Variants in LAMA2 observed in about 807,000 individuals in gnomAD.
LAMA2 encodes the protein laminin subunit alpha 2, also known as laminin subunit alpha-2.
LAMA2 carries 269 observed loss-of-function variants against 364.8 expected under a neutral mutation model. The ratio of observed to expected loss-of-function variants is 0.74; its 90% CI spans 0.67 to 0.82. LAMA2 has a LOEUF of 0.82. Ranked by LOEUF, LAMA2 falls within the 40% of genes least tolerant of loss-of-function variation. LAMA2 has a pLI of 0.00. For missense variants in LAMA2, 3,807 were observed against 3,873.2 expected, an observed-to-expected ratio of 0.98 and a Z score of 0.45; for synonymous variants, 1,379 against 1,370.6, an observed-to-expected ratio of 1.01 and a Z score of -0.14.
intron 53 of LAMA2, among the ~76,000 whole-genome samples, chr6:129,477,328 C>T (rs930867726): frequency 1.3e-5 from 2 of 152,178 alleles, no homozygotes; most frequent in Non-Finnish European, 2.9e-5. Context: ...TCCATCATCA[C>T]AGGAAGTTCT....
intron 3 of LAMA2, among the ~76,000 whole-genome samples, chr6:129,079,803 A>G (rs1773923497): frequency 6.6e-6 from 1 of 152,142 alleles, no homozygotes; most frequent in African/African-American, 2.4e-5. Flanking sequence ...CTTAGCTTGT[A>G]AGTACATATA....
At chr6:129,391,706 A>G in intron 36 of LAMA2, 53 bp downstream of exon 36, 2 of 1,523,644 alleles carry the variant, frequency 1.3e-6, no homozygotes, top group Non-Finnish European at 1.8e-6. Context: ...TTTCCAGATA[A>G]TTTACAGTTT....
At chr6:129,251,076 CTATATATA>C (rs71714357) in intron 13 of LAMA2, among the ~76,000 whole-genome samples, 537 of 49,682 alleles carry the variant, frequency 0.011, 1 homozygote, top group African/African-American at 0.025. Flanking sequence ...CTCTCTCTCT[CTATATATA>C]TATATATATA....
chr6:129,268,722 G>T (rs959697112), intron 16 of LAMA2, among the ~76,000 whole-genome samples: 1 of 152,030 alleles, frequency 6.6e-6, no homozygotes, highest in Admixed American at 6.6e-5. Flanking sequence ...GAGATAGGAG[G>T]TCTCCTTCAA....
intron 14 of LAMA2, among the ~76,000 whole-genome samples, chr6:129,258,173 A>T (rs910909041): frequency 3.3e-5 from 5 of 152,072 alleles, no homozygotes; most frequent in African/African-American, 1.2e-4. Flanking sequence ...GCTCATGCCA[A>T]CATAAGTACT....
chr6:129,376,783 C>A lies in LAMA2; in HGVS notation c.4960-6339C>A, dbSNP rs182174559. Among the ~76,000 whole-genome samples the A allele has an allele frequency of 2.0e-5, 3 of 152,188 alleles. 1 individual carries two copies. The highest frequency in any genetic ancestry group is 7.2e-5 in the African/African-American group (3 of 41,442). Reference sequence around the variant, plus strand: ...CCATCGCAGGGGTTCCAAGATTCCTCCTGTGCTTATCTTATACCACTATTT... The same window carrying A: ...CCATCGCAGGGGTTCCAAGATTCCTACTGTGCTTATCTTATACCACTATTT... On this transcript the variant is annotated intron_variant, in intron 34 of 64. Coordinates refer to ENST00000421865, the MANE Select transcript of LAMA2 (RefSeq NM_000426.4).
intron 4 of LAMA2, among the ~76,000 whole-genome samples, chr6:129,142,183 A>C (rs1778161661): frequency 6.6e-6 from 1 of 152,054 alleles, no homozygotes; most frequent in Non-Finnish European, 1.5e-5. Flanking sequence ...AAATGCTGAA[A>C]GAATAATATT....
intron 1 of LAMA2, among the ~76,000 whole-genome samples, chr6:128,939,965 G>A (rs1488523642): frequency 6.6e-6 from 1 of 152,086 alleles, no homozygotes; most frequent in Non-Finnish European, 1.5e-5. Context: ...TGATCCAAAA[G>A]TTTGGGTCCA....
intron 1 of LAMA2, among the ~76,000 whole-genome samples, chr6:128,966,298 A>G (rs766785815): frequency 6.6e-6 from 1 of 151,940 alleles, no homozygotes; most frequent in Non-Finnish European, 1.5e-5. Flanking sequence ...TTTGTGTTTC[A>G]TGTTTGTATA....
intron 9 of LAMA2, among the ~76,000 whole-genome samples, chr6:129,170,831 G>A (rs1166151557): frequency 6.7e-6 from 1 of 149,512 alleles, no homozygotes; most frequent in African/African-American, 2.5e-5. Context: ...AGGTCACTCA[G>A]GACTTGCTTT....
intron 10 of LAMA2, among the ~76,000 whole-genome samples, chr6:129,187,155 T>C (rs1459235723): frequency 2.0e-5 from 3 of 151,710 alleles, no homozygotes; most frequent in African/African-American, 7.2e-5. Flanking sequence ...CTTCCAAGAA[T>C]AAGCCAGGAA....
intron 40 of LAMA2, among the ~76,000 whole-genome samples, chr6:129,417,686 T>A (rs934638191): frequency 6.6e-6 from 1 of 151,906 alleles, no homozygotes; most frequent in African/African-American, 2.4e-5. Flanking sequence ...ATGCCTAGGG[T>A]CACCTTCAGG....
chr6:129,411,453 A>C (rs1441151973), intron 40 of LAMA2, among the ~76,000 whole-genome samples: 1 of 152,228 alleles, frequency 6.6e-6, no homozygotes, highest in African/African-American at 2.4e-5. Context: ...CAAAGTGAAG[A>C]AAAGGGGAGA....
At chr6:128,936,179 T>TC (rs1208012179) in intron 1 of LAMA2, among the ~76,000 whole-genome samples, 2 of 152,222 alleles carry the variant, frequency 1.3e-5, no homozygotes, top group African/African-American at 4.8e-5. Flanking sequence ...TAAAACTTTT[T>TC]CCTTTATAAA....
intron 12 of LAMA2, among the ~76,000 whole-genome samples, chr6:129,235,855 G>T (rs750480330): frequency 7.2e-5 from 11 of 152,102 alleles, no homozygotes; most frequent in Non-Finnish European, 1.6e-4. Flanking sequence ...ACTTATATGT[G>T]TGATGAAATG....
At chr6:128,972,589 G>C (rs934526030) in intron 1 of LAMA2, among the ~76,000 whole-genome samples, 1 of 152,058 alleles carries the variant, frequency 6.6e-6, no homozygotes, top group Non-Finnish European at 1.5e-5. Flanking sequence ...TCTTTTCTGG[G>C]GGTATTGATG....
intron 20 of LAMA2, among the ~76,000 whole-genome samples, chr6:129,297,293 A>G (rs1028246772): frequency 2.6e-5 from 4 of 152,186 alleles, no homozygotes; most frequent in African/African-American, 9.7e-5. Flanking sequence ...GTAGGAGTCC[A>G]TAGATCTGAA....
At chr6:129,406,127 A>G (rs1476886370) in intron 40 of LAMA2, among the ~76,000 whole-genome samples, 1 of 152,168 alleles carries the variant, frequency 6.6e-6, no homozygotes, top group Admixed American at 6.5e-5. Context: ...AAATGATAGA[A>G]ATAACCTCCA....
intron 1 of LAMA2, among the ~76,000 whole-genome samples, chr6:129,044,136 T>C (rs1429648971): frequency 6.6e-6 from 1 of 152,122 alleles, no homozygotes; most frequent in Non-Finnish European, 1.5e-5. Context: ...GGCTTACCTG[T>C]TCTTAGGTGC....
Sources: allele counts gnomAD v4.1 joint callset (sites outside exome capture counted in the v4.1 genomes callset), GRCh38; gene constraint gnomAD v4.1.1; transcripts MANE v1.5; gene names NCBI Gene and HGNC (gene_info 2026-07-23, HGNC 2026-07-21).